Variants in TENM4 observed in about 807,000 individuals in gnomAD.
TENM4 encodes teneurin-4.
In TENM4, 82 loss-of-function variants were observed where a neutral mutation model predicts 243.3. The ratio of observed to expected loss-of-function variants is 0.34; its 90% CI spans 0.28 to 0.40. TENM4 has a LOEUF of 0.40. Ranked by LOEUF, TENM4 falls within the 10% of genes least tolerant of loss-of-function variation. The probability of loss-of-function intolerance (pLI) is 1.00; values close to 1 mark genes in which losing one functional copy is unlikely to be tolerated. For synonymous variants in TENM4, 1,412 were observed against 1,456.3 expected, an observed-to-expected ratio of 0.97 and a Z score of 0.69; for missense variants, 3,138 against 3,673.3, an observed-to-expected ratio of 0.85 and a Z score of 3.77.
At chr11:78,898,685 C>T (rs2136315513) in intron 7 of TENM4, among the ~76,000 whole-genome samples, 1 of 152,288 alleles carries the variant, frequency 6.6e-6, no homozygotes, top group Non-Finnish European at 1.5e-5. Flanking sequence ...CATATTCATT[C>T]ATTTATTTCA....
At chr11:79,293,201 C>T (rs550193752) in intron 2 of TENM4, among the ~76,000 whole-genome samples, 1 of 152,236 alleles carries the variant, frequency 6.6e-6, no homozygotes, top group South Asian at 2.1e-4. Flanking sequence ...CCAGCATTAC[C>T]ACTGAATAAT....
At chr11:79,213,571 TCCAA>T (rs1863991751) in intron 3 of TENM4, among the ~76,000 whole-genome samples, 1 of 152,160 alleles carries the variant, frequency 6.6e-6, no homozygotes, top group African/African-American at 2.4e-5. Flanking sequence ...TCTTTCCTCC[TCCAA>T]TTTAGATGAG....
intron 2 of TENM4, among the ~76,000 whole-genome samples, chr11:79,236,199 C>T (rs1228145170): frequency 6.6e-6 from 1 of 152,128 alleles, no homozygotes; most frequent in Non-Finnish European, 1.5e-5. Flanking sequence ...ACACAGAGTA[C>T]ATGAGTCCCC....
chr11:78,818,917 G>A (rs936052354), intron 12 of TENM4, among the ~76,000 whole-genome samples: 1 of 151,552 alleles, frequency 6.6e-6, no homozygotes, highest in Non-Finnish European at 1.5e-5. Context: ...GGAAAATGGG[G>A]CCTTTCCCCC....
At chr11:78,846,101 G>A (rs770648691) in intron 12 of TENM4, among the ~76,000 whole-genome samples, 5 of 152,148 alleles carry the variant, frequency 3.3e-5, no homozygotes, top group Non-Finnish European at 5.9e-5. Flanking sequence ...TTTAGACCTG[G>A]TCACTGAGAT....
chr11:79,282,693 G>A (rs1350658784), intron 2 of TENM4, among the ~76,000 whole-genome samples: 3 of 152,160 alleles, frequency 2.0e-5, no homozygotes, highest in Non-Finnish European at 4.4e-5. Flanking sequence ...GGGAGATAAT[G>A]GTGTAAGCAT....
At chr11:78,693,786 G>A (rs1858887646) in intron 28 of TENM4, among the ~76,000 whole-genome samples, 1 of 152,196 alleles carries the variant, frequency 6.6e-6, no homozygotes, top group African/African-American at 2.4e-5. Context: ...GGCCAAGGGG[G>A]GTGGATCACT....
intron 6 of TENM4, among the ~76,000 whole-genome samples, chr11:78,962,650 C>T (rs1793370244): frequency 6.6e-6 from 1 of 152,180 alleles, no homozygotes; most frequent in Non-Finnish European, 1.5e-5. Flanking sequence ...CCTGAAAACC[C>T]GGGGTCTAGT....
At chr11:79,039,373 A>C (rs989504593) in intron 6 of TENM4, among the ~76,000 whole-genome samples, 2 of 152,218 alleles carry the variant, frequency 1.3e-5, no homozygotes, top group African/African-American at 4.8e-5. Context: ...ACGTCAGCAC[A>C]GCTGTCAGCC....
At chr11:79,229,521 A>G (rs768460570) in intron 2 of TENM4, among the ~76,000 whole-genome samples, 1 of 152,094 alleles carries the variant, frequency 6.6e-6, no homozygotes, top group Non-Finnish European at 1.5e-5. Context: ...CTAGCACAAA[A>G]TCCTCCTCTT....
At chr11:79,430,437 C>A (rs1055572838) in intron 1 of TENM4, among the ~76,000 whole-genome samples, 2 of 152,184 alleles carry the variant, frequency 1.3e-5, no homozygotes, top group African/African-American at 2.4e-5. Context: ...CATTCACAAG[C>A]CCTTATGGCA....
At chr11:79,089,366 G>A (rs186533294) in intron 4 of TENM4, among the ~76,000 whole-genome samples, 1 of 152,324 alleles carries the variant, frequency 6.6e-6, no homozygotes, top group East Asian at 1.9e-4. Flanking sequence ...ACGAGCGCAA[G>A]GAAAGGGTGT....
intron 9 of TENM4, among the ~76,000 whole-genome samples, chr11:78,864,940 C>A (rs1042370430): frequency 6.6e-6 from 1 of 151,996 alleles, no homozygotes; most frequent in Non-Finnish European, 1.5e-5. Context: ...GGTGCCTGAC[C>A]CGCTAGGGGG....
At chr11:79,083,706 G>A (rs1044680525) in intron 4 of TENM4, among the ~76,000 whole-genome samples, 4 of 152,170 alleles carry the variant, frequency 2.6e-5, no homozygotes, top group African/African-American at 9.7e-5. Context: ...AACCTCACAA[G>A]CAAGCCAAAG....
At chr11:79,397,243 T>G (rs1372858568) in intron 1 of TENM4, among the ~76,000 whole-genome samples, 1 of 152,222 alleles carries the variant, frequency 6.6e-6, no homozygotes, top group Non-Finnish European at 1.5e-5. Flanking sequence ...TCATTGATTT[T>G]TATACATCAT....
At chr11:78,930,799 C>T (rs899454028) in intron 6 of TENM4, among the ~76,000 whole-genome samples, 2 of 152,184 alleles carry the variant, frequency 1.3e-5, no homozygotes, top group Non-Finnish European at 2.9e-5. Flanking sequence ...TGGATAAGAG[C>T]CCTTTCTTCT....
At chr11:78,780,460 AT>A (rs2136018615) in intron 16 of TENM4, among the ~76,000 whole-genome samples, 1 of 152,294 alleles carries the variant, frequency 6.6e-6, no homozygotes, top group Admixed American at 6.5e-5. Context: ...ATAACTCTGA[AT>A]CCAGTTATAG....
At chr11:79,082,216 C>A (rs1401374041) in intron 4 of TENM4, among the ~76,000 whole-genome samples, 1 of 152,164 alleles carries the variant, frequency 6.6e-6, no homozygotes, top group African/African-American at 2.4e-5. Flanking sequence ...TAATGAAAGC[C>A]CCAAAGCTGG....
chr11:79,030,011 G>T (rs965974729), intron 6 of TENM4, among the ~76,000 whole-genome samples: 1 of 152,116 alleles, frequency 6.6e-6, no homozygotes, highest in Non-Finnish European at 1.5e-5. Flanking sequence ...CTAGGGAAAG[G>T]TAATAGGCAG....
Sources: gnomAD v4.1 joint callset for allele counts (sites outside exome capture counted in the v4.1 genomes callset) on GRCh38, gnomAD v4.1.1 for gene constraint, MANE v1.5 for transcripts, NCBI Gene and HGNC (gene_info 2026-07-23, HGNC 2026-07-21) for gene names.